CHRNB1: variants seen among roughly 807,000 people sequenced by gnomAD.
CHRNB1 encodes the protein acetylcholine receptor subunit beta.
CHRNB1 carries 47 observed loss-of-function variants against 53.8 expected under a neutral mutation model. The ratio of observed to expected loss-of-function variants is 0.87; its 90% CI spans 0.69 to 1.11. CHRNB1 has a LOEUF of 1.11. CHRNB1 is among the 50% of genes most tolerant of loss of function. The pLI is 0.00. For synonymous variants in CHRNB1, 259 were observed against 263.5 expected (o/e 0.98, Z 0.16); for missense variants, 605 against 654.9 (o/e 0.92, Z 0.83).
intron 3 of CHRNB1, chr17:7,446,370 T>TGA (rs1908629446): frequency 1.8e-6 from 1 of 561,446 alleles, no homozygotes; most frequent in Non-Finnish European, 3.2e-6. Flanking sequence ...TGTGTGTGTG[T>TGA]GTGATGCGGT....
intron 7 of CHRNB1, among the ~76,000 whole-genome samples, chr17:7,451,570 C>A (rs1908891098): frequency 1.3e-5 from 2 of 151,966 alleles, no homozygotes; most frequent in Admixed American, 1.3e-4. Flanking sequence ...TGTAAGCCAC[C>A]CCGCCCAGCC....
chr17:7,457,088 C>G lies in CHRNB1; in HGVS notation c.*365C>G. On this transcript the variant is annotated 3_prime_UTR_variant, in exon 11 of 11. Transcript: ENST00000306071. Reference sequence around the variant, plus strand: ...ATCCCAGCACTTTGGGAGGCCAAGGCGGGCGGATCACCTGAGGTCGGGAGT... The same window carrying G: ...ATCCCAGCACTTTGGGAGGCCAAGGGGGGCGGATCACCTGAGGTCGGGAGT... 1 of 265,380 alleles carries G rather than the reference C, an allele frequency of 3.8e-6. No individual in the cohort carries two copies. The highest frequency in any genetic ancestry group is 2.2e-5 in the African/African-American group (1 of 44,972). The allele number at this position is 265,380 out of a possible 1,614,324, so 16.4% of individuals were successfully genotyped here. A position where few individuals can be genotyped will look rare whatever the true frequency, so the allele number is the denominator to read the frequency against.
intron 9 of CHRNB1, 147 bp from the exon 10 acceptor site, chr17:7,455,647 G>T: frequency 1.6e-6 from 2 of 1,286,974 alleles, no homozygotes; most frequent in Non-Finnish European, 2.2e-6. Context: ...GTTGCACAAG[G>T]CTAGAGAGAT....
intron 3 of CHRNB1, 133 bp from the exon 4 acceptor site, chr17:7,446,700 C>A: frequency 1.5e-6 from 1 of 687,958 alleles, no homozygotes; most frequent in South Asian, 1.7e-5. Flanking sequence ...GAGCCAGAAC[C>A]ACGGCCCCTT....
At position 7,447,142 on chromosome 17, in the gene CHRNB1, C is replaced by T; in HGVS notation, c.453C>T (p.Cys151=). 1 of 1,613,764 alleles carries T rather than the reference C, an allele frequency of 6.2e-7. No homozygotes were observed. Among genetic ancestry groups the T allele is most frequent in the South Asian group, 1.1e-5 (1 of 91,084 alleles). Residue 151 remains cysteine (C), a synonymous_variant, in exon 5 of 11, where the codon TGC becomes TGT. Transcript: ENST00000306071. The part of the protein sequence containing the change: ...WQPPGIYRSS[C]SIQVTYFPFD... ...CCCCGGGCATCTATCGCAGCAGCTG[C>T]AGCATCCAGGTTTCCGGCCTCCACA...
At chr17:7,450,219 C>T (rs983514148) in intron 7 of CHRNB1, among the ~76,000 whole-genome samples, 3 of 151,310 alleles carry the variant, frequency 2.0e-5, no homozygotes, top group Non-Finnish European at 4.4e-5. Flanking sequence ...TCTTGGCTCA[C>T]TGCAACCTCC....
At chr17:7,446,666 T>C in intron 3 of CHRNB1, 167 bp from the exon 4 acceptor site, 3 of 620,878 alleles carry the variant, frequency 4.8e-6, no homozygotes, top group Non-Finnish European at 8.6e-6. Flanking sequence ...CTGATGTGGA[T>C]CCCAGCGAGT....
intron 8 of CHRNB1, 26 bp downstream of exon 8, chr17:7,454,546 C>A (rs1293715818): frequency 6.3e-7 from 1 of 1,586,644 alleles, no homozygotes; most frequent in East Asian, 2.2e-5. Flanking sequence ...TCCTCCAACC[C>A]CAATTTTCCT....
chr17:7,455,697 G>A, intron 9 of CHRNB1, 97 bp from the exon 10 acceptor site: 1 of 1,537,364 alleles, frequency 6.5e-7, no homozygotes, highest in African/African-American at 1.4e-5. Context: ...CTCGGGTTTT[G>A]AGAACTGGCA....
In CHRNB1 at chr17:7,447,548, A is replaced by T; in HGVS notation, c.508A>T (p.Ser170Cys). 6.2e-7 allele frequency: 1 copy of T among 1,614,204 alleles called. No homozygotes were observed. ...CTGGCAGAATTGCACTATGGTGTTC[A>T]GCTCCTACAGCTACGACAGCTCGGA... The part of the protein sequence containing the change: ...FDWQNCTMVF[S>C]SYSYDSSEVS... The change falls in exon 6 of 11, where the codon AGC (serine) becomes TGC (cysteine). Residue 170 changes from serine to cysteine, a missense_variant. Ser to Cys is a moderately radical substitution (Grantham distance 112). Transcript: ENST00000306071.
In CHRNB1 at chr17:7,446,866, G is replaced by A; in HGVS notation, c.277G>A (p.Ala93Thr). Residue 93 changes from alanine to threonine, a missense_variant, in exon 4 of 11, where the codon GCG becomes ACG. Physicochemically the swap from Ala to Thr is moderately conservative, Grantham distance 58 (BLOSUM62 0). Transcript: ENST00000306071. ...WTDYRLSWDP[A>T]EHDGIDSLRI... ...TGACTACAGGCTGAGCTGGGACCCT[G>A]CGGAGCACGACGGCATCGATTCGCT... The A allele has an allele frequency of 3.7e-6, 6 of 1,614,006 alleles. No homozygotes were observed. Among genetic ancestry groups the A allele is most frequent in the Non-Finnish European group, 5.1e-6 (6 of 1,180,018 alleles).
In CHRNB1 at chr17:7,456,658, G is replaced by C; in HGVS notation, c.1441G>C (p.Val481Leu). Residue 481 changes from valine to leucine, a missense_variant, in exon 11 of 11, where the codon GTT becomes CTT. Val to Leu is a conservative substitution (Grantham distance 32). Transcript: ENST00000306071. ...GTGGACTTTCATCATCTTCACCAGC[G>C]TTGGGACCCTAGTCATCTTCCTGGA... ...FLWTFIIFTS[V>L]GTLVIFLDAT... 4 of 1,614,102 alleles carry C rather than the reference G, an allele frequency of 2.5e-6. No individual in the cohort carries two copies. Among genetic ancestry groups the C allele is most frequent in the Non-Finnish European group, 3.4e-6 (4 of 1,180,022 alleles).
rs746049604 is a variant in CHRNB1 at position 7,455,924 on chromosome 17, C to A, written c.1348C>A (p.Gln450Lys). The A allele has an allele frequency of 3.6e-5, 58 of 1,614,012 alleles. No individual in the cohort carries two copies. Among genetic ancestry groups the A allele is most frequent in the Non-Finnish European group, 4.2e-5 (49 of 1,180,006 alleles). ...ISYIARQLQEQEDHDALKEDW... is the reference protein window; with the variant it reads ...ISYIARQLQEKEDHDALKEDW... Reference sequence around the variant, plus strand: ...CTACATCGCTCGACAGCTGCAGGAACAGGAGGACCACGATGCGGTATGTCC... The same window carrying A: ...CTACATCGCTCGACAGCTGCAGGAAAAGGAGGACCACGATGCGGTATGTCC... The change falls in exon 10 of 11, where the codon CAG (glutamine) becomes AAG (lysine). Residue 450 changes from glutamine (Q) to lysine (K), a missense_variant. Physicochemically the swap from Gln to Lys is moderately conservative, Grantham distance 53. Transcript: ENST00000306071.
chr17:7,450,358 G>A (rs1908842842), intron 7 of CHRNB1, among the ~76,000 whole-genome samples: 1 of 151,968 alleles, frequency 6.6e-6, no homozygotes, highest in Non-Finnish European at 1.5e-5. Flanking sequence ...TGGCCAGGCT[G>A]GTCTCGAACT....
chr17:7,447,685 A>G (rs762913538), intron 6 of CHRNB1, 35 bp downstream of exon 6: 4 of 1,613,364 alleles, frequency 2.5e-6, no homozygotes, highest in Non-Finnish European at 3.4e-6. Context: ...CATGGGCTCT[A>G]TCATTTCCAG....
intron 6 of CHRNB1, 29 bp from the exon 7 acceptor site, chr17:7,448,550 T>G: frequency 6.2e-7 from 1 of 1,611,070 alleles, no homozygotes; most frequent in South Asian, 1.1e-5. Flanking sequence ...CTCTCACATC[T>G]GTGTTCCCCT....
In CHRNB1 at chr17:7,446,953, T is replaced by C. The variant is rs1256562448; in HGVS notation, c.353+11T>C. 3.7e-6 allele frequency: 6 copies of C among 1,612,386 alleles called. No individual in the cohort carries two copies. The African/African-American group carries it at 6.7e-5, about 18-fold the overall frequency. ...GGTGCTACTGAACAAGTAGGAGAAC[T>C]TCCAAAGCCCGGGAGGTGGCGCGGG... On this transcript the variant is annotated intron_variant, in intron 4 of 10. Transcript: ENST00000306071.
chr17:7,452,057 C>CTTTTTT (rs34297883), intron 7 of CHRNB1, among the ~76,000 whole-genome samples: 1 of 138,836 alleles, frequency 7.2e-6, no homozygotes. Flanking sequence ...TTTCCTTTTT[C>CTTTTTT]TTTTTTTTTT....
chr17:7,446,126 C>T lies in CHRNB1; in HGVS notation c.243+13C>T. 2 of 1,612,486 alleles carry T rather than the reference C, an allele frequency of 1.2e-6. No individual in the cohort carries two copies. The highest frequency in any genetic ancestry group is 1.7e-6 in the Non-Finnish European group (2 of 1,178,442). On this transcript the variant is annotated intron_variant, in intron 3 of 10. Coordinates refer to ENST00000306071, the MANE Select transcript of CHRNB1 (RefSeq NM_000747.3). ...GTACTTAGACCTGGTATGGAGACCC[C>T]ACGGGGTGGGAAAGGGCTTCCCTCT...
Sources: gnomAD v4.1 joint callset for allele counts (sites outside exome capture counted in the v4.1 genomes callset) on GRCh38, gnomAD v4.1.1 for gene constraint, MANE v1.5 for transcripts, NCBI Gene and HGNC (gene_info 2026-07-23, HGNC 2026-07-21) for gene names.